The following TMTC4 variants were observed in gnomAD, a reference collection of about 807,000 sequenced individuals.
The protein encoded by TMTC4 is protein O-mannosyl-transferase TMTC4.
In TMTC4, 65 loss-of-function variants were observed where a neutral mutation model predicts 86.0. The ratio of observed to expected loss-of-function variants is 0.76; its 90% CI spans 0.62 to 0.93. The LOEUF (loss-of-function observed/expected upper bound fraction) is 0.93. Among genes scored for constraint, TMTC4 ranks in the 40% least tolerant of loss-of-function variants. TMTC4 has a pLI of 0.00. For missense variants in TMTC4, 866 were observed against 948.1 expected, an observed-to-expected ratio of 0.91 and a Z score of 1.14; for synonymous variants, 379 against 382.5, an observed-to-expected ratio of 0.99 and a Z score of 0.11.
Position 100,637,692 on chromosome 13 carries a change from A to G in TMTC4, c.845T>C (p.Met282Thr). Residue 282 changes from methionine to threonine, a missense_variant, in exon 9 of 19, where the codon ATG becomes ACG. Physicochemically the swap from Met to Thr is moderately conservative, Grantham distance 81. Transcript: ENST00000342624. ...HKDKSLENLG[M>T]LRNGGLLFRM... ...GAAGAGGAGGCCCCCGTTCCTGAGC[A>G]TGCCGAGATTCTGCAAGGACATCGC... 2 of 1,613,782 alleles carry G rather than the reference A, an allele frequency of 1.2e-6. No homozygotes were observed. Among genetic ancestry groups the G allele is most frequent in the East Asian group, 2.2e-5 (1 of 44,872 alleles).
intron 16 of TMTC4, among the ~76,000 whole-genome samples, chr13:100,613,844 C>CCT (rs1346354876): frequency 7.2e-6 from 1 of 138,702 alleles, no homozygotes; most frequent in Non-Finnish European, 1.6e-5. Context: ...TACCCGCCCC[C>CCT]CCCTTTTTTT....
At chr13:100,674,896 G>A (rs931294965), upstream of TMTC4, 3 of 983,382 alleles carry the variant, frequency 3.1e-6, no homozygotes, top group Admixed American at 1.2e-4. Context: ...CCACGCGCGC[G>A]GGCGCCCCCC....
rs1594316966 is a variant in TMTC4 at position 100,642,276 on chromosome 13, C to T, written c.676G>A (p.Val226Met). 3.7e-6 allele frequency: 6 copies of T among 1,614,082 alleles called. No homozygotes were observed. The East Asian group carries it at 1.3e-4, about 36-fold the overall frequency. The change falls in exon 7 of 19, where the codon GTG becomes ATG. Residue 226 changes from valine (V) to methionine (M), a missense_variant. Val to Met is a conservative substitution (Grantham distance 21). Coordinates refer to ENST00000342624, the MANE Select transcript of TMTC4 (RefSeq NM_032813.5). ...GCTCCCAGAAAGATACTCAGCAGCA[C>T]CCAGAAGGTGGAAGAATGCGCTCCC... ...KEGAHSSTFWVLLSIFLGAVA... is the reference protein window; with the variant it reads ...KEGAHSSTFWMLLSIFLGAVA...
chr13:100,618,315 C>T (rs372404811), intron 15 of TMTC4, among the ~76,000 whole-genome samples: 5 of 152,116 alleles, frequency 3.3e-5, no homozygotes, highest in African/African-American at 1.2e-4. Flanking sequence ...TTCCTATTTA[C>T]ATGCCTTTTA....
chr13:100,660,561 T>C (rs546092718), intron 5 of TMTC4, among the ~76,000 whole-genome samples: 21 of 151,864 alleles, frequency 1.4e-4, no homozygotes, highest in Non-Finnish European at 2.1e-4. Flanking sequence ...AGCCAGAAAG[T>C]GGGGCTGGCT....
In TMTC4 at chr13:100,668,801, G is replaced by A. The variant is rs767283624; in HGVS notation, c.4-7C>T. ...CATTATGCTGGTTAGGAATCTGCAGGAAAAACAACACTGTATAAATATTCA... is the reference window on the plus strand; with the variant it reads ...CATTATGCTGGTTAGGAATCTGCAGAAAAAACAACACTGTATAAATATTCA... On this transcript the variant is annotated splice_region_variant and splice_polypyrimidine_tract_variant and intron_variant, in intron 2 of 18. Coordinates refer to ENST00000342624, the MANE Select transcript of TMTC4 (RefSeq NM_032813.5). 6.2e-7 allele frequency: 1 copy of A among 1,613,460 alleles called. No homozygotes were observed. Among genetic ancestry groups the A allele is most frequent in the Non-Finnish European group, 8.5e-7 (1 of 1,179,762 alleles).
chr13:100,604,746 A>AG lies in TMTC4; in HGVS notation c.*247dup. ...TTCTCTTTTTCTGTTTAATTAAAAA[A>AG]GACATTTTTGGAATTTTAGAATTAC... On this transcript the variant is annotated 3_prime_UTR_variant, in exon 19 of 19. Coordinates refer to ENST00000342624, the MANE Select transcript of TMTC4 (RefSeq NM_032813.5). The AG allele has an allele frequency of 2.8e-6, 1 of 353,644 alleles. No homozygotes were observed. Among genetic ancestry groups the AG allele is most frequent in the Non-Finnish European group, 4.9e-6 (1 of 204,954 alleles). 21.9% of individuals were successfully genotyped at this position (353,644 alleles called of 1,614,324 possible).
chr13:100,670,323 G>A (rs577420279), intron 2 of TMTC4, 37 bp downstream of exon 2: 4 of 1,600,896 alleles, frequency 2.5e-6, no homozygotes, highest in African/African-American at 1.3e-5. Flanking sequence ...CTGTCTGAGT[G>A]AAGATGGAGA....
Position 100,608,972 on chromosome 13 carries a change from G to A in TMTC4, c.2065-2545C>T, listed in dbSNP as rs531848594. Among the ~76,000 whole-genome samples, 31 of 152,318 alleles carry A rather than the reference G, an allele frequency of 2.0e-4. 1 individual carries two copies. The South Asian group carries it at 5.6e-3, about 28-fold the overall frequency. On this transcript the variant is annotated intron_variant, in intron 17 of 18. Coordinates refer to ENST00000342624, the MANE Select transcript of TMTC4 (RefSeq NM_032813.5). ...AGGCGAGGAAGCCTGGGTGGGCGGA[G>A]GTCATTTCAGCCACAGCAGCCACCC... is the stretch of plus-strand genomic sequence containing the variant.
At chr13:100,641,015 G>A (rs1042717419) in intron 7 of TMTC4, among the ~76,000 whole-genome samples, 4 of 152,028 alleles carry the variant, frequency 2.6e-5, no homozygotes, top group Non-Finnish European at 4.4e-5. Context: ...AGACTGAAAA[G>A]GTAGATGTCT....
At chr13:100,638,344 C>G in intron 7 of TMTC4, 1 of 232,896 alleles carries the variant, frequency 4.3e-6, no homozygotes, top group Non-Finnish European at 8.4e-6. Flanking sequence ...CCCCTCCCCA[C>G]TTTTTTTGGT....
At chr13:100,668,102 G>C (rs908445217) in intron 3 of TMTC4, among the ~76,000 whole-genome samples, 5 of 152,142 alleles carry the variant, frequency 3.3e-5, no homozygotes, top group African/African-American at 9.7e-5. Context: ...TCAGCAGGCT[G>C]TCCCGACAGT....
intron 12 of TMTC4, among the ~76,000 whole-genome samples, chr13:100,631,178 A>G (rs1566590000): frequency 6.6e-6 from 1 of 152,264 alleles, no homozygotes; most frequent in African/African-American, 2.4e-5. Context: ...GAACTAGCAC[A>G]GAAGTCGAAG....
intron 12 of TMTC4, among the ~76,000 whole-genome samples, chr13:100,633,331 AAAAAAAAAAAAG>A: frequency 6.7e-6 from 1 of 150,206 alleles, no homozygotes; most frequent in African/African-American, 2.5e-5. Flanking sequence ...AAAAAAAAAA[AAAAAAAAAAAAG>A]CTAACACTTT....
intron 6 of TMTC4, among the ~76,000 whole-genome samples, chr13:100,644,038 T>C (rs1385387725): frequency 6.6e-6 from 1 of 151,836 alleles, no homozygotes; most frequent in African/African-American, 2.4e-5. Context: ...CACCCCAGGA[T>C]GGAAGGCCTT....
chr13:100,655,967 G>GA (rs532591113), intron 6 of TMTC4, among the ~76,000 whole-genome samples: 72 of 152,274 alleles, frequency 4.7e-4, no homozygotes, highest in Admixed American at 1.4e-3. Context: ...GACAGTGTAT[G>GA]AAAAATCTCC....
intron 12 of TMTC4, among the ~76,000 whole-genome samples, chr13:100,631,109 A>G (rs900672562): frequency 1.3e-5 from 2 of 152,266 alleles, no homozygotes; most frequent in Admixed American, 1.3e-4. Context: ...AAATGATTGA[A>G]AAGCTTGTTT....
chr13:100,670,183 G>T, intron 2 of TMTC4, 177 bp downstream of exon 2: 1 of 587,410 alleles, frequency 1.7e-6, no homozygotes, highest in Non-Finnish European at 2.8e-6. Context: ...GAGAATTCCA[G>T]CCCCCTGATT....
intron 16 of TMTC4, 116 bp downstream of exon 16, chr13:100,614,197 CATT>C (rs906417279): frequency 6.0e-5 from 45 of 751,572 alleles, no homozygotes; most frequent in Non-Finnish European, 9.7e-5. Context: ...ATTAACTTCA[CATT>C]AATTTTTTTT....
Sources: gnomAD v4.1 joint callset for allele counts (sites outside exome capture counted in the v4.1 genomes callset) on GRCh38, gnomAD v4.1.1 for gene constraint, MANE v1.5 for transcripts, NCBI Gene and HGNC (gene_info 2026-07-23, HGNC 2026-07-21) for gene names.